The following PPP1R3B variants were observed in gnomAD, a reference collection of about 807,000 sequenced individuals.
PPP1R3B encodes the protein protein phosphatase 1 regulatory subunit 3B, also known as PP1 subunit R4.
A neutral mutation model predicts 14.6 loss-of-function variants in PPP1R3B; 8 were observed. The observed-to-expected ratio is 0.55, with a 90% CI of 0.32 to 0.99. The LOEUF is 0.99. Ranked by LOEUF, PPP1R3B falls within the 50% of genes least tolerant of loss-of-function variation. The pLI, the probability that PPP1R3B is intolerant of heterozygous loss-of-function variation, is 0.04. For synonymous variants in PPP1R3B, 169 were observed against 142.0 expected (o/e 1.19, Z -1.35); for missense variants, 452 against 360.1 (o/e 1.26, Z -2.07).
In PPP1R3B at chr8:9,140,991, A is replaced by T; in HGVS notation, c.661T>A (p.Tyr221Asn). The T allele has an allele frequency of 6.2e-7, 1 of 1,614,040 alleles. No homozygotes were observed. Among genetic ancestry groups the T allele is most frequent in the Non-Finnish European group, 8.5e-7 (1 of 1,180,000 alleles). The change falls in exon 2 of 2, where the codon TAC becomes AAC. Residue 221 changes from tyrosine to asparagine, a missense_variant. Transcript: ENST00000310455. ...AVYYECNGQTYWDSNRGKNYR... is the reference protein window; with the variant it reads ...AVYYECNGQTNWDSNRGKNYR... ...TTCTTGCCTCTGTTGCTGTCCCAGT[A>T]CGTCTGTCCATTGCACTCGTAGTAC...
rs751488652 is a variant in PPP1R3B, at chr8:9,140,774, C to A, written c.*20G>T. On this transcript the variant is annotated 3_prime_UTR_variant, in exon 2 of 2. Transcript: ENST00000310455. ...AGGCTTGTCTGTGGCAGCTCCGCCA[C>A]GCCCTGTCACCTGCAGTCACTAGTA... 1 of 1,610,270 alleles carries A rather than the reference C, an allele frequency of 6.2e-7. No homozygotes were observed. Among genetic ancestry groups the A allele is most frequent in the Non-Finnish European group, 8.5e-7 (1 of 1,177,638 alleles).
At chr8:9,148,397 A>G (rs1290784495) in intron 1 of PPP1R3B, among the ~76,000 whole-genome samples, 1 of 152,154 alleles carries the variant, frequency 6.6e-6, no homozygotes, top group Non-Finnish European at 1.5e-5. Flanking sequence ...GGGAAAAAAA[A>G]AGAACCAGAA....
chr8:9,136,899 G>A lies in PPP1R3B; in HGVS notation c.*3895C>T, dbSNP rs112146090. ...CAGAAAATGGGCAGTTCCAAAAAAG[G>A]AACACTTTTTTGATTGATAAGCATA... On this transcript the variant is annotated 3_prime_UTR_variant, in exon 2 of 2. Coordinates refer to ENST00000310455, the MANE Select transcript of PPP1R3B (RefSeq NM_024607.4). The A allele has an allele frequency of 5.9e-5, 9 of 152,246 alleles. No individual in the cohort carries two copies. Among genetic ancestry groups the A allele is most frequent in the African/African-American group, 1.7e-4 (7 of 41,546 alleles). 9.4% of individuals were successfully genotyped at this position (152,246 alleles called of 1,614,324 possible).
At chr8:9,148,779 C>T (rs1412412465) in intron 1 of PPP1R3B, among the ~76,000 whole-genome samples, 1 of 152,226 alleles carries the variant, frequency 6.6e-6, no homozygotes, top group Non-Finnish European at 1.5e-5. Context: ...TTTCAGGCAG[C>T]TGAACTACTG....
chr8:9,140,751 G>GTGTGT lies in PPP1R3B; in HGVS notation c.*42_*43insACACA. The GTGTGT allele has an allele frequency of 6.3e-7, 1 of 1,599,754 alleles. No individual in the cohort carries two copies. On this transcript the variant is annotated 3_prime_UTR_variant, in exon 2 of 2. Transcript: ENST00000310455. The stretch of plus-strand genomic sequence containing the variant: ...TCCACTGCACAGTGAGCAGAGCTAG[G>GTGTGT]CTTGTCTGTGGCAGCTCCGCCACGC...
Position 9,136,437 on chromosome 8 carries a change from TGAA to T in PPP1R3B, c.*4354_*4356del, listed in dbSNP as rs1302861106. 1.2e-4 allele frequency: 19 copies of T among 152,240 alleles called. No individual in the cohort carries two copies. Among genetic ancestry groups the T allele is most frequent in the South Asian group, 8.3e-4 (4 of 4,836 alleles). The allele number at this position is 152,240 out of a possible 1,614,324, so 9.4% of individuals were successfully genotyped here. A position where few individuals can be genotyped will look rare whatever the true frequency, so the allele number is the denominator to read the frequency against. On this transcript the variant is annotated 3_prime_UTR_variant, in exon 2 of 2. Transcript: ENST00000310455. ...TGACAAGGCACTTTTAGGTATAAAA[TGAA>T]GATGAGTCCTTGGTTCTACATTCAC...
chr8:9,141,239 C>G lies in PPP1R3B; in HGVS notation c.413G>C (p.Cys138Ser). 2.5e-6 allele frequency: 4 copies of G among 1,614,154 alleles called. No individual in the cohort carries two copies. Among genetic ancestry groups the G allele is most frequent in the Non-Finnish European group, 3.4e-6 (4 of 1,179,996 alleles). Reference protein sequence around the residue: ...LQADHVCLENCVLKDKAIAGT... With the variant: ...LQADHVCLENSVLKDKAIAGT... ...TGCAATGGCCTTGTCCTTGAGCACA[C>G]AGTTCTCAAGGCAGACGTGGTCGGC... is the stretch of plus-strand genomic sequence containing the variant. The change falls in exon 2 of 2, where the codon TGT becomes TCT. Residue 138 changes from cysteine to serine, a missense_variant. Cys to Ser is a moderately radical substitution (Grantham distance 112). Coordinates refer to ENST00000310455, the MANE Select transcript of PPP1R3B (RefSeq NM_024607.4).
chr8:9,148,805 C>A (rs969439732), intron 1 of PPP1R3B, among the ~76,000 whole-genome samples: 4 of 152,206 alleles, frequency 2.6e-5, no homozygotes, highest in African/African-American at 9.6e-5. Flanking sequence ...CTGGCTGTAC[C>A]TTTCATAGGG....
chr8:9,141,720 C>T (rs796595406), intron 1 of PPP1R3B, 52 bp from the exon 2 acceptor site: 4 of 1,526,534 alleles, frequency 2.6e-6, no homozygotes, highest in South Asian at 1.2e-5. Flanking sequence ...GCAATCAGAT[C>T]AGACAGATGT....
Position 9,141,135 on chromosome 8 carries a change from T to C in PPP1R3B, c.517A>G (p.Thr173Ala), listed in dbSNP as rs375935134. 12 of 1,614,086 alleles carry C rather than the reference T, an allele frequency of 7.4e-6. No individual in the cohort carries two copies. In the African/African-American group the frequency reaches 1.2e-4, roughly 16 times the overall value. ...RMTFDTWKSY[T>A]DFPCQYVKDT... is the part of the protein sequence containing the mutation. ...TTCACGTACTGACAAGGAAAGTCTG[T>C]GTAGCTCTTCCAGGTGTCGAACGTC... The change falls in exon 2 of 2, where the codon ACA (threonine) becomes GCA (alanine). Residue 173 changes from threonine to alanine, a missense_variant. By Grantham distance (58) the Thr-to-Ala change is moderately conservative (BLOSUM62 0). Coordinates refer to ENST00000310455, the MANE Select transcript of PPP1R3B (RefSeq NM_024607.4).
intron 1 of PPP1R3B, among the ~76,000 whole-genome samples, chr8:9,146,411 T>C (rs1401403377): frequency 6.6e-6 from 1 of 152,138 alleles, no homozygotes; most frequent in East Asian, 1.9e-4. Context: ...ACATGCCAAG[T>C]GTCTTCTGTA....
intron 1 of PPP1R3B, among the ~76,000 whole-genome samples, chr8:9,144,557 T>C (rs1801177583): frequency 6.6e-6 from 1 of 152,130 alleles, no homozygotes; most frequent in Admixed American, 6.5e-5. Flanking sequence ...TCATTTTTTA[T>C]CCTAATATCA....
chr8:9,149,710 G>A (rs151193988), intron 1 of PPP1R3B, among the ~76,000 whole-genome samples: 1 of 152,224 alleles, frequency 6.6e-6, no homozygotes, highest in Non-Finnish European at 1.5e-5. Flanking sequence ...GAGAGTGCAT[G>A]TCTTTCCCCT....
chr8:9,143,039 G>A (rs1411071963), intron 1 of PPP1R3B, among the ~76,000 whole-genome samples: 6 of 152,246 alleles, frequency 3.9e-5, no homozygotes, highest in Admixed American at 6.5e-5. Flanking sequence ...TGGGATTGCC[G>A]GGTCATATAG....
intron 1 of PPP1R3B, among the ~76,000 whole-genome samples, chr8:9,149,328 G>T (rs1192653268): frequency 6.7e-6 from 1 of 148,806 alleles, no homozygotes; most frequent in South Asian, 2.1e-4. Context: ...GTGAAACCCC[G>T]TCTCTACTAA....
chr8:9,144,601 A>C (rs1801179267), intron 1 of PPP1R3B, among the ~76,000 whole-genome samples: 1 of 152,230 alleles, frequency 6.6e-6, no homozygotes, highest in Non-Finnish European at 1.5e-5. Context: ...AAGAATTAAA[A>C]ACACACAGAG....
At position 9,141,681 on chromosome 8, in the gene PPP1R3B, A is replaced by C; in HGVS notation, c.-17-13T>G. On this transcript the variant is annotated splice_polypyrimidine_tract_variant and intron_variant, in intron 1 of 1. Coordinates refer to ENST00000310455, the MANE Select transcript of PPP1R3B (RefSeq NM_024607.4). ...CTAGATGAACAGGCTAGAACCGTGG[A>C]AAGGGAAGAGAAGAAAGAAAACAGT... 6.3e-7 allele frequency: 1 copy of C among 1,596,424 alleles called. No individual in the cohort carries two copies. Among genetic ancestry groups the C allele is most frequent in the Non-Finnish European group, 8.6e-7 (1 of 1,167,966 alleles).
chr8:9,150,732 G>C (rs1475664177), upstream of PPP1R3B: 1 of 152,386 alleles, frequency 6.6e-6, no homozygotes, highest in Non-Finnish European at 1.5e-5. Context: ...GGAGGAGCCC[G>C]TTATCGCACC....
intron 1 of PPP1R3B, among the ~76,000 whole-genome samples, chr8:9,150,095 G>A (rs1211817423): frequency 6.6e-6 from 1 of 152,074 alleles, no homozygotes; most frequent in African/African-American, 2.4e-5. Context: ...AAGTCCTCCA[G>A]CTGTCTTCAC....
Sources: allele counts gnomAD v4.1 joint callset (sites outside exome capture counted in the v4.1 genomes callset), GRCh38; gene constraint gnomAD v4.1.1; transcripts MANE v1.5; gene names NCBI Gene and HGNC (gene_info 2026-07-23, HGNC 2026-07-21).